SLC44A5: variants seen among roughly 807,000 people sequenced by gnomAD.
The protein encoded by SLC44A5 is solute carrier family 44 member 5.
Under a neutral mutation model 101.8 loss-of-function variants are expected in SLC44A5, and 57 were observed. That is an observed-to-expected ratio of 0.56 (90% CI 0.45 to 0.70). The LOEUF (loss-of-function observed/expected upper bound fraction) is 0.70. Among genes scored for constraint, SLC44A5 ranks in the 30% least tolerant of loss-of-function variants. SLC44A5 has a pLI of 0.00. For synonymous variants in SLC44A5, 281 were observed against 290.9 expected (o/e 0.97, Z 0.35); for missense variants, 737 against 853.1 (o/e 0.86, Z 1.70).
intron 2 of SLC44A5, among the ~76,000 whole-genome samples, chr1:75,415,830 A>G (rs535791031): frequency 1.1e-3 from 166 of 152,310 alleles, no homozygotes; most frequent in South Asian, 4.8e-3. Context: ...TCCCTGGCCT[A>G]GAGATTTATG....
intron 2 of SLC44A5, among the ~76,000 whole-genome samples, chr1:75,463,376 T>G (rs936206123): frequency 7.5e-6 from 1 of 132,690 alleles, no homozygotes; most frequent in African/African-American, 2.9e-5. Context: ...GCCGAGATTG[T>G]GCCACTGCAC....
At chr1:75,633,166 T>C in the SLC44A5 span, among the ~76,000 whole-genome samples, 1 of 152,210 alleles carries the variant, frequency 6.6e-6, no homozygotes, top group Non-Finnish European at 1.5e-5. Context: ...ATGCAAGCTC[T>C]TTGTTCTTTT....
At chr1:75,288,337 A>C (rs1241016941) in intron 5 of SLC44A5, among the ~76,000 whole-genome samples, 1 of 152,184 alleles carries the variant, frequency 6.6e-6, no homozygotes, top group Non-Finnish European at 1.5e-5. Context: ...ACAGTATCTG[A>C]CATCTATTTA....
chr1:75,484,003 C>A (rs1195836809), intron 2 of SLC44A5, among the ~76,000 whole-genome samples: 1 of 152,082 alleles, frequency 6.6e-6, no homozygotes, highest in Non-Finnish European at 1.5e-5. Flanking sequence ...CCCCCATGAT[C>A]CAATTATCTC....
At chr1:75,699,204 G>T in the SLC44A5 span, among the ~76,000 whole-genome samples, 3 of 152,004 alleles carry the variant, frequency 2.0e-5, no homozygotes, top group African/African-American at 7.2e-5. Flanking sequence ...ATAATTGTCA[G>T]ATTCACCAAA....
the SLC44A5 span, among the ~76,000 whole-genome samples, chr1:75,700,563 T>C: frequency 6.6e-6 from 1 of 152,130 alleles, no homozygotes; most frequent in African/African-American, 2.4e-5. Flanking sequence ...AGGAAAGATC[T>C]AAAATTGACA....
chr1:75,692,185 CTTTTTT>C, the SLC44A5 span, among the ~76,000 whole-genome samples: 7 of 84,774 alleles, frequency 8.3e-5, no homozygotes, highest in Non-Finnish European at 1.3e-4. Context: ...AGATGGGATT[CTTTTTT>C]TTTTTTTTTT....
chr1:75,678,454 C>G, the SLC44A5 span, among the ~76,000 whole-genome samples: 3 of 152,136 alleles, frequency 2.0e-5, no homozygotes, highest in Admixed American at 1.3e-4. Flanking sequence ...GTCCCTGACC[C>G]CTGACACCCG....
At chr1:75,304,872 G>A (rs913799475) in intron 4 of SLC44A5, among the ~76,000 whole-genome samples, 7 of 152,114 alleles carry the variant, frequency 4.6e-5, no homozygotes, top group Admixed American at 1.3e-4. Flanking sequence ...TAGTTACAGA[G>A]ACAGTTGCCC....
chr1:75,424,849 T>C (rs1179130278), intron 2 of SLC44A5, among the ~76,000 whole-genome samples: 1 of 152,150 alleles, frequency 6.6e-6, no homozygotes, highest in Non-Finnish European at 1.5e-5. Flanking sequence ...ACATGAAAAG[T>C]GAAGAATTTA....
chr1:75,686,130 C>A, the SLC44A5 span, among the ~76,000 whole-genome samples: 1 of 152,130 alleles, frequency 6.6e-6, no homozygotes, highest in African/African-American at 2.4e-5. Flanking sequence ...CAGGTCCCTC[C>A]CATGACACAT....
chr1:75,541,627 A>G lies in SLC44A5; in HGVS notation c.-69-111T>C, dbSNP rs768630619. 9 of 587,934 alleles carry G rather than the reference A, an allele frequency of 1.5e-5. No homozygotes were observed. The East Asian group carries it at 2.0e-4, about 13-fold the overall frequency. The allele number at this position is 587,934 out of a possible 1,614,324, so 36.4% of individuals were successfully genotyped here. On this transcript the variant is annotated intron_variant, in intron 1 of 23. Coordinates refer to ENST00000370859, the MANE Select transcript of SLC44A5 (RefSeq NM_001130058.2). Reference sequence around the variant, plus strand: ...AACTTACTATAATTTACTCTCCCCAAAAACTCAGAGAATTAGCCTAATTCT... The same window carrying G: ...AACTTACTATAATTTACTCTCCCCAGAAACTCAGAGAATTAGCCTAATTCT...
intron 2 of SLC44A5, among the ~76,000 whole-genome samples, chr1:75,463,593 T>G (rs1248863979): frequency 2.6e-5 from 4 of 151,972 alleles, no homozygotes; most frequent in African/African-American, 9.7e-5. Context: ...TACCCTAGAA[T>G]AGTATATATC....
At chr1:75,445,516 A>ATGTATATATTATGTAATATATACAT (rs1553181481) in intron 2 of SLC44A5, among the ~76,000 whole-genome samples, 2 of 123,672 alleles carry the variant, frequency 1.6e-5, no homozygotes, top group African/African-American at 5.9e-5. Flanking sequence ...CACACAATAT[A>ATGTATATATTATGTAATATATACAT]ATATATGTAT....
rs1311914600 is a variant in SLC44A5 at position 75,203,790 on chromosome 1, A to T, written c.2091T>A (p.Tyr697Ter). Residue 697 changes from tyrosine (Y) to a stop codon, truncating the protein, a stop_gained, in exon 24 of 24, where the codon TAT becomes TAA. Coordinates refer to ENST00000370859, the MANE Select transcript of SLC44A5 (RefSeq NM_001130058.2). LOFTEE classifies it low-confidence loss of function (END_TRUNC). ...TCTTCAGCAAAGGTTGACTCACATA[A>T]TAAGGTCTTGCAGTAGAACCATCAT... ...ERNDGSTARP[Y>*]YVSQPLLKIF... 1 of 1,550,142 alleles carries T rather than the reference A, an allele frequency of 6.5e-7. No individual in the cohort carries two copies. The highest frequency in any genetic ancestry group is 8.7e-7 in the Non-Finnish European group (1 of 1,146,288).
chr1:75,413,876 G>A (rs1663440691), intron 2 of SLC44A5, among the ~76,000 whole-genome samples: 1 of 152,132 alleles, frequency 6.6e-6, no homozygotes. Flanking sequence ...TCCACATGAA[G>A]TGAAAGCTAT....
intron 6 of SLC44A5, among the ~76,000 whole-genome samples, chr1:75,252,076 G>A (rs1356051663): frequency 6.6e-6 from 1 of 152,118 alleles, no homozygotes; most frequent in Non-Finnish European, 1.5e-5. Flanking sequence ...AAAACCCGAA[G>A]TGTTTGTTCA....
chr1:75,650,170 A>G, the SLC44A5 span, among the ~76,000 whole-genome samples: 1 of 152,136 alleles, frequency 6.6e-6, no homozygotes, highest in South Asian at 2.1e-4. Context: ...CCATTAGCGT[A>G]CATTGTACCC....
rs142962102 is a variant in SLC44A5 at position 75,487,656 on chromosome 1, C to A, written c.13+53779G>T. The stretch of plus-strand genomic sequence containing the variant: ...TTGGCCAAGTCTAAAATATGGTCAT[C>A]TGTCACTTAACATCATGAATCACTT... On this transcript the variant is annotated intron_variant, in intron 2 of 23. Coordinates refer to ENST00000370859, the MANE Select transcript of SLC44A5 (RefSeq NM_001130058.2). 7.9e-5 allele frequency among the ~76,000 whole-genome samples: 12 copies of A among 152,320 alleles called. No individual in the cohort carries two copies. In the East Asian group the frequency reaches 2.3e-3, roughly 29 times the overall value.
Sources: gnomAD v4.1 joint callset for allele counts (sites outside exome capture counted in the v4.1 genomes callset) on GRCh38, gnomAD v4.1.1 for gene constraint, MANE v1.5 for transcripts, NCBI Gene and HGNC (gene_info 2026-07-23, HGNC 2026-07-21) for gene names.